Variants in EML4 observed in about 807,000 individuals in gnomAD.
EML4 encodes echinoderm microtubule-associated protein-like 4.
A neutral mutation model predicts 129.0 loss-of-function variants in EML4; 72 were observed. The observed-to-expected ratio is 0.56, with a 90% CI of 0.46 to 0.68. The LOEUF is 0.68. Among genes scored for constraint, EML4 ranks in the 30% least tolerant of loss-of-function variants. The probability of loss-of-function intolerance (pLI) is 0.00; values close to 1 mark genes in which losing one functional copy is unlikely to be tolerated. For synonymous variants in EML4, 532 were observed against 405.0 expected, an observed-to-expected ratio of 1.31 and a Z score of -3.77; for missense variants, 1,363 against 1,190.6, an observed-to-expected ratio of 1.14 and a Z score of -2.13.
At chr2:42,191,486 C>T (rs1434632160) in intron 1 of EML4, among the ~76,000 whole-genome samples, 1 of 152,018 alleles carries the variant, frequency 6.6e-6, no homozygotes, top group Middle Eastern at 3.2e-3. Context: ...GTTGAAAGGG[C>T]AGGGTCATGT....
intron 3 of EML4, among the ~76,000 whole-genome samples, chr2:42,259,650 A>C (rs1665584468): frequency 6.6e-6 from 1 of 151,980 alleles, no homozygotes; most frequent in African/African-American, 2.4e-5. Context: ...TGAAAGGAGT[A>C]AGAAATTTAA....
chr2:42,227,491 T>A (rs1255783280), intron 1 of EML4, among the ~76,000 whole-genome samples: 9 of 144,906 alleles, frequency 6.2e-5, no homozygotes, highest in Non-Finnish European at 6.0e-5. Context: ...TTTTTTTTTT[T>A]AAACCACCCC....
chr2:42,256,512 C>A lies in EML4; in HGVS notation c.220C>A (p.Pro74Thr). Residue 74 changes from proline to threonine, a missense_variant, in exon 3 of 23, where the codon CCT (proline) becomes ACT (threonine). Coordinates refer to ENST00000318522, the MANE Select transcript of EML4 (RefSeq NM_019063.5). ...KSVSSKGQPS[P>T]RAVIPMSCIT... ...TTAATTATCTTTAGGCCAACCAAGC[C>A]CTCGAGCAGTTATTCCCATGTCCTG... 6.2e-7 allele frequency: 1 copy of A among 1,600,998 alleles called. No homozygotes were observed. The highest frequency in any genetic ancestry group is 1.3e-5 in the African/African-American group (1 of 74,680).
intron 2 of EML4, among the ~76,000 whole-genome samples, chr2:42,251,133 C>G (rs947680972): frequency 1.8e-4 from 27 of 152,328 alleles, no homozygotes; most frequent in African/African-American, 5.8e-4. Context: ...GGCCTGGTTT[C>G]TAACAGGCCA....
intron 2 of EML4, among the ~76,000 whole-genome samples, chr2:42,255,287 A>C (rs1308907231): frequency 6.6e-6 from 1 of 151,960 alleles, no homozygotes; most frequent in African/African-American, 2.4e-5. Flanking sequence ...GGGTTTCAGC[A>C]TGTTAGCCAG....
At chr2:42,326,054 T>A (rs2103836250) in intron 20 of EML4, 100 bp from the exon 21 acceptor site, 4 of 1,489,718 alleles carry the variant, frequency 2.7e-6, no homozygotes, top group Non-Finnish European at 3.6e-6. Context: ...GTGTATGGAT[T>A]ATAAATACAA....
chr2:42,316,956 G>A (rs13009753), intron 18 of EML4, among the ~76,000 whole-genome samples: 33,414 of 152,116 alleles, frequency 0.22, 4,459 homozygotes, highest in East Asian at 0.55. Context: ...TATAGCTGTC[G>A]AATTCCAGAG....
At position 42,329,503 on chromosome 2, in the gene EML4, G is replaced by T. The variant is rs555085866; in HGVS notation, c.2473-231G>T. ...TTTTAGCTATTTTTTTAAACATATA[G>T]TGTGAAAATACAGAGATGTCCAATT... On this transcript the variant is annotated intron_variant, in intron 22 of 22. Transcript: ENST00000318522. Among the ~76,000 whole-genome samples the T allele has an allele frequency of 2.0e-5, 3 of 152,226 alleles. No homozygotes were observed. In the South Asian group the frequency reaches 6.2e-4, roughly 32 times the overall value.
chr2:42,308,575 C>G (rs1027108530), intron 17 of EML4, among the ~76,000 whole-genome samples: 3 of 151,986 alleles, frequency 2.0e-5, no homozygotes, highest in African/African-American at 7.2e-5. Context: ...TCACATAACC[C>G]CCCCAAAAAA....
chr2:42,234,351 G>A (rs548026231), intron 1 of EML4, among the ~76,000 whole-genome samples: 19 of 152,294 alleles, frequency 1.2e-4, no homozygotes, highest in Middle Eastern at 3.4e-3. Context: ...GTATTCCTAC[G>A]CAGACAGAAC....
intron 2 of EML4, among the ~76,000 whole-genome samples, chr2:42,254,457 C>CA (rs1283231073): frequency 0.084 from 8,561 of 102,300 alleles, 834 homozygotes; most frequent in African/African-American, 0.26. Flanking sequence ...GACTCTGTCT[C>CA]AAAAAAAAAA....
At chr2:42,270,711 C>G (rs1666317006) in intron 6 of EML4, among the ~76,000 whole-genome samples, 1 of 152,022 alleles carries the variant, frequency 6.6e-6, no homozygotes, top group South Asian at 2.1e-4. Context: ...CAGTTTGAAA[C>G]AAATGAAAAA....
intron 1 of EML4, among the ~76,000 whole-genome samples, chr2:42,235,004 A>G (rs989261021): frequency 3.9e-5 from 6 of 152,010 alleles, no homozygotes; most frequent in East Asian, 1.9e-4. Flanking sequence ...TAAAAATACA[A>G]AAATTAGCGG....
intron 1 of EML4, among the ~76,000 whole-genome samples, chr2:42,213,693 A>C (rs558518063): frequency 1.2e-3 from 187 of 152,218 alleles, no homozygotes; most frequent in Non-Finnish European, 2.2e-3. Flanking sequence ...ACTAGAAAAC[A>C]AGAATAATTT....
At chr2:42,235,705 T>C (rs1379831431) in intron 1 of EML4, among the ~76,000 whole-genome samples, 8 of 152,182 alleles carry the variant, frequency 5.3e-5, no homozygotes, top group Admixed American at 5.2e-4. Context: ...ATGTAACTTT[T>C]TGAAATGAAG....
intron 20 of EML4, 33 bp downstream of exon 20, chr2:42,325,587 A>G (rs1241090219): frequency 1.3e-5 from 4 of 300,076 alleles, no homozygotes; most frequent in East Asian, 8.8e-5. Flanking sequence ...ATATATATAT[A>G]TGCTATGATT....
chr2:42,289,713 C>T (rs965885011), intron 11 of EML4: 22 of 151,986 alleles, frequency 1.4e-4, no homozygotes, highest in African/African-American at 4.8e-4. Context: ...CTCTAAACAC[C>T]GTGTCCCAAA....
chr2:42,287,390 A>T (rs1419701672), intron 10 of EML4, among the ~76,000 whole-genome samples: 2 of 152,148 alleles, frequency 1.3e-5, no homozygotes, highest in African/African-American at 2.4e-5. Context: ...GTTGTTGATA[A>T]CCATTGTTAC....
chr2:42,214,971 A>G (rs577319912), intron 1 of EML4, among the ~76,000 whole-genome samples: 33 of 152,356 alleles, frequency 2.2e-4, no homozygotes, highest in Admixed American at 1.8e-3. Context: ...AGAGAACTAC[A>G]TAAGAGCATG....
Sources: allele counts gnomAD v4.1 joint callset (sites outside exome capture counted in the v4.1 genomes callset), GRCh38; gene constraint gnomAD v4.1.1; transcripts MANE v1.5; gene names NCBI Gene and HGNC (gene_info 2026-07-23, HGNC 2026-07-21).